The following LRFN5 variants were observed in gnomAD, a reference collection of about 807,000 sequenced individuals.
LRFN5 encodes the protein leucine-rich repeat and fibronectin type-III domain-containing protein 5.
LRFN5 carries 24 observed loss-of-function variants against 45.6 expected under a neutral mutation model. The observed-to-expected ratio is 0.53, with a 90% CI of 0.38 to 0.74. The LOEUF is 0.74. Ranked by LOEUF, LRFN5 falls within the 30% of genes least tolerant of loss-of-function variation. The probability of loss-of-function intolerance (pLI) is 0.00; values close to 1 mark genes in which losing one functional copy is unlikely to be tolerated. For synonymous variants in LRFN5, 340 were observed against 313.8 expected (o/e 1.08, Z -0.88); for missense variants, 776 against 861.5 (o/e 0.90, Z 1.24).
At chr14:41,883,245 A>T (rs1166318317) in intron 2 of LRFN5, among the ~76,000 whole-genome samples, 5 of 151,906 alleles carry the variant, frequency 3.3e-5, no homozygotes, top group Non-Finnish European at 7.4e-5. Flanking sequence ...TATTTTTAAA[A>T]ATATGATTTA....
At chr14:41,809,603 A>T (rs1887670983) in intron 2 of LRFN5, among the ~76,000 whole-genome samples, 1 of 151,778 alleles carries the variant, frequency 6.6e-6, no homozygotes, top group African/African-American at 2.4e-5. Flanking sequence ...TTACCTCTGG[A>T]TGGTAGCATT....
At chr14:41,651,183 A>G (rs112683440) in intron 1 of LRFN5, among the ~76,000 whole-genome samples, 3 of 152,176 alleles carry the variant, frequency 2.0e-5, no homozygotes, top group African/African-American at 4.8e-5. Flanking sequence ...ATTATTTGCT[A>G]TCACAGCACT....
chr14:41,735,566 C>A (rs796714868), intron 1 of LRFN5, among the ~76,000 whole-genome samples: 3 of 152,208 alleles, frequency 2.0e-5, no homozygotes, highest in Admixed American at 6.5e-5. Flanking sequence ...GCCAATGCAC[C>A]TGGCCACACT....
rs573412453 is a variant in LRFN5 at position 41,612,612 on chromosome 14, T to C, written c.-197+4050T>C. Reference sequence around the variant, plus strand: ...ATAACTCTGTCTTGTTCAACAAGCCTTGAGAGTGAGACTTCTTATTCTGGT... The same window carrying C: ...ATAACTCTGTCTTGTTCAACAAGCCCTGAGAGTGAGACTTCTTATTCTGGT... On this transcript the variant is annotated intron_variant, in intron 1 of 5. Coordinates refer to ENST00000298119, the MANE Select transcript of LRFN5 (RefSeq NM_152447.5). 3.3e-5 allele frequency among the ~76,000 whole-genome samples: 5 copies of C among 152,236 alleles called. No homozygotes were observed. In the South Asian group the frequency reaches 1.0e-3, roughly 32 times the overall value.
chr14:41,846,981 C>T (rs1441919895), intron 2 of LRFN5, among the ~76,000 whole-genome samples: 2 of 152,080 alleles, frequency 1.3e-5, no homozygotes, highest in African/African-American at 2.4e-5. Context: ...CTTCTTTTTG[C>T]TGTGTAAAGT....
At chr14:41,724,142 C>T (rs1883836160) in intron 1 of LRFN5, among the ~76,000 whole-genome samples, 1 of 152,172 alleles carries the variant, frequency 6.6e-6, no homozygotes, top group East Asian at 1.9e-4. Flanking sequence ...GGTCTGTCTA[C>T]CCATCTCTTC....
intron 2 of LRFN5, among the ~76,000 whole-genome samples, chr14:41,824,710 A>G (rs1366800174): frequency 1.3e-5 from 2 of 152,148 alleles, no homozygotes; most frequent in African/African-American, 2.4e-5. Flanking sequence ...TGTCTCAGGC[A>G]GTGGGGTGTT....
chr14:41,654,703 A>G (rs1393647336), intron 1 of LRFN5, among the ~76,000 whole-genome samples: 2 of 152,124 alleles, frequency 1.3e-5, no homozygotes, highest in African/African-American at 4.8e-5. Context: ...ATAATTTATC[A>G]TTAGCTTTGG....
chr14:41,754,672 C>G (rs929733136), intron 1 of LRFN5, among the ~76,000 whole-genome samples: 5 of 152,066 alleles, frequency 3.3e-5, no homozygotes, highest in African/African-American at 1.2e-4. Flanking sequence ...CTTTATCAGT[C>G]TTGCTAGTGG....
intron 1 of LRFN5, among the ~76,000 whole-genome samples, chr14:41,720,798 C>G (rs2138768996): frequency 1.3e-5 from 2 of 152,018 alleles, no homozygotes; most frequent in South Asian, 4.2e-4. Flanking sequence ...GCTTTATGGC[C>G]AAACATAATG....
Position 41,622,406 on chromosome 14 carries a change from A to G in LRFN5, c.-197+13844A>G, listed in dbSNP as rs182198654. ...ATCATTTTTCATTGAGAAGCTCACAACTGCAATATTTGTATAAGCTAAGCT... is the reference window on the plus strand; with the variant it reads ...ATCATTTTTCATTGAGAAGCTCACAGCTGCAATATTTGTATAAGCTAAGCT... On this transcript the variant is annotated intron_variant, in intron 1 of 5. Transcript: ENST00000298119. 5.3e-3 allele frequency among the ~76,000 whole-genome samples: 812 copies of G among 152,196 alleles called. 8 individuals carry two copies. The highest frequency in any genetic ancestry group is 8.2e-3 in the Non-Finnish European group (559 of 67,962).
intron 2 of LRFN5, among the ~76,000 whole-genome samples, chr14:41,795,653 A>AT (rs1306627119): frequency 6.6e-6 from 1 of 152,036 alleles, no homozygotes; most frequent in Non-Finnish European, 1.5e-5. Flanking sequence ...GGAAACCATC[A>AT]TTCTCAGCAA....
chr14:41,829,812 G>T (rs1256517326), intron 2 of LRFN5, among the ~76,000 whole-genome samples: 1 of 149,620 alleles, frequency 6.7e-6, no homozygotes, highest in Non-Finnish European at 1.5e-5. Flanking sequence ...TTAAATTTCT[G>T]CTGTAACATT....
chr14:41,738,362 CT>C (rs1407492779), intron 1 of LRFN5, among the ~76,000 whole-genome samples: 1 of 152,148 alleles, frequency 6.6e-6, no homozygotes, highest in Non-Finnish European at 1.5e-5. Flanking sequence ...GGATTAAAGA[CT>C]TAAATGTAAG....
intron 2 of LRFN5, among the ~76,000 whole-genome samples, chr14:41,856,681 T>TA (rs1889477460): frequency 3.8e-5 from 1 of 26,254 alleles, no homozygotes; most frequent in Non-Finnish European, 8.2e-5. Flanking sequence ...TATTATTTTT[T>TA]TTTTTTTTTT....
intron 1 of LRFN5, among the ~76,000 whole-genome samples, chr14:41,716,155 C>A (rs1229530264): frequency 6.6e-6 from 1 of 152,118 alleles, no homozygotes; most frequent in African/African-American, 2.4e-5. Flanking sequence ...CTGGGACTGG[C>A]CCCCAAGACC....
chr14:41,725,962 A>G (rs1883913334), intron 1 of LRFN5, among the ~76,000 whole-genome samples: 3 of 152,170 alleles, frequency 2.0e-5, no homozygotes, highest in African/African-American at 4.8e-5. Context: ...ACAGGAAATT[A>G]TGATTCATTT....
chr14:41,704,408 T>TTCTCTCTCTCTCTCTCTC (rs141458106), intron 1 of LRFN5, among the ~76,000 whole-genome samples: 6 of 102,264 alleles, frequency 5.9e-5, no homozygotes, highest in African/African-American at 2.5e-4. Context: ...TGTTATACTT[T>TTCTCTCTCTCTCTCTCTC]TCTCTCTCTC....
intron 2 of LRFN5, among the ~76,000 whole-genome samples, chr14:41,809,075 C>T (rs1358945789): frequency 3.3e-5 from 5 of 152,068 alleles, no homozygotes; most frequent in Admixed American, 2.6e-4. Flanking sequence ...GACTGTTCTT[C>T]CTTTGTAGTA....
Sources: gnomAD v4.1 joint callset for allele counts (sites outside exome capture counted in the v4.1 genomes callset) on GRCh38, gnomAD v4.1.1 for gene constraint, MANE v1.5 for transcripts, NCBI Gene and HGNC (gene_info 2026-07-23, HGNC 2026-07-21) for gene names.